RLF: variants seen among roughly 807,000 people sequenced by gnomAD.
RLF encodes zinc finger protein Rlf.
Under a neutral mutation model 162.9 loss-of-function variants are expected in RLF, and 7 were observed. The observed-to-expected ratio is 0.04, with a 90% CI of 0.02 to 0.08. RLF has a LOEUF of 0.08. Among genes scored for constraint, RLF ranks in the 10% least tolerant of loss-of-function variants. The pLI is 1.00. For missense variants in RLF, 1,664 were observed against 2,244.7 expected (o/e 0.74, Z 5.23); for synonymous variants, 782 against 791.5 (o/e 0.99, Z 0.20).
intron 6 of RLF, among the ~76,000 whole-genome samples, chr1:40,228,827 C>T (rs1345519603): frequency 1.3e-5 from 2 of 152,110 alleles, no homozygotes; most frequent in South Asian, 2.1e-4. Flanking sequence ...AGATATTACT[C>T]TGTCACCCAG....
chr1:40,184,398 T>G (rs565622742), intron 1 of RLF, among the ~76,000 whole-genome samples: 1 of 152,270 alleles, frequency 6.6e-6, no homozygotes, highest in East Asian at 1.9e-4. Flanking sequence ...AGATAAAGCA[T>G]AGGGACAGGA....
intron 3 of RLF, among the ~76,000 whole-genome samples, chr1:40,193,629 G>A (rs1642590053): frequency 1.3e-5 from 2 of 152,290 alleles, no homozygotes; most frequent in Admixed American, 1.3e-4. Context: ...GACAAGTCAA[G>A]CTGTTAAAGC....
In RLF at chr1:40,237,992, A is replaced by G. The variant is rs1275702475; in HGVS notation, c.3290A>G (p.Gln1097Arg). 6.2e-7 allele frequency: 1 copy of G among 1,614,028 alleles called. No homozygotes were observed. Among genetic ancestry groups the G allele is most frequent in the Non-Finnish European group, 8.5e-7 (1 of 1,180,014 alleles). ...CCATCCAGTGGTGCTAAGTCTCTTC[A>G]GTCAGTTTCATCTATCTCAGACCTT... Reference protein sequence around the residue: ...GYPSSGAKSLQSVSSISDLNF... With the variant: ...GYPSSGAKSLRSVSSISDLNF... The change falls in exon 8 of 8, where the codon CAG becomes CGG. Residue 1097 changes from glutamine (Q) to arginine (R), a missense_variant. By Grantham distance (43) the Gln-to-Arg change is conservative. Transcript: ENST00000372771. The surrounding 1 kb of genome is among the most constrained non-coding windows in gnomAD (Gnocchi z 4.4).
At chr1:40,197,239 G>A (rs1229418351) in intron 4 of RLF, among the ~76,000 whole-genome samples, 2 of 152,130 alleles carry the variant, frequency 1.3e-5, no homozygotes, top group African/African-American at 4.8e-5. Context: ...GAAAAAAAAA[G>A]AATAAGGAAA....
Position 40,239,310 on chromosome 1 carries a change from C to G in RLF, c.4608C>G (p.Ala1536=). Residue 1536 remains alanine, a synonymous_variant, in exon 8 of 8, where the codon GCC becomes GCG. Transcript: ENST00000372771. ...TAAGTTTTAAAACCAGAGCTGAGGCCCTCCATATGTGTGTGGAGCACTCTG... is the reference window on the plus strand; with the variant it reads ...TAAGTTTTAAAACCAGAGCTGAGGCGCTCCATATGTGTGTGGAGCACTCTG... ...APISFKTRAE[A]LHMCVEHSEH... 1 of 1,614,002 alleles carries G rather than the reference C, an allele frequency of 6.2e-7. No homozygotes were observed. Among genetic ancestry groups the G allele is most frequent in the East Asian group, 2.2e-5 (1 of 44,886 alleles).
intron 5 of RLF, among the ~76,000 whole-genome samples, chr1:40,216,487 TAA>T (rs59858431): frequency 1.2e-4 from 15 of 128,884 alleles, no homozygotes; most frequent in Non-Finnish European, 1.3e-4. Context: ...AAACTCTGTC[TAA>T]AAAAAAAAAA....
chr1:40,231,523 G>A lies in RLF; in HGVS notation c.954G>A (p.Leu318=). 6.2e-7 allele frequency: 1 copy of A among 1,612,612 alleles called. No homozygotes were observed. Among genetic ancestry groups the A allele is most frequent in the Non-Finnish European group, 8.5e-7 (1 of 1,179,488 alleles). The change falls in exon 7 of 8, where the codon CTG becomes CTA. Residue 318 remains leucine (L), a synonymous_variant. Coordinates refer to ENST00000372771, the MANE Select transcript of RLF (RefSeq NM_012421.4). ...TGATCTTCTTTTTTTATAGGGAACT[G>A]ACTCTTTTTTGGAGTAAACTGCAAA... ...QTASVYCSWE[L]TLFWSKLQRR...
intron 1 of RLF, among the ~76,000 whole-genome samples, chr1:40,165,838 G>A (rs1024124714): frequency 5.9e-5 from 9 of 151,910 alleles, no homozygotes; most frequent in African/African-American, 9.7e-5. Context: ...GGTATACAAA[G>A]CCTTTTAGAA....
intron 4 of RLF, among the ~76,000 whole-genome samples, chr1:40,198,301 C>CTT (rs34816285): frequency 1.5e-4 from 19 of 123,794 alleles, no homozygotes; most frequent in African/African-American, 3.1e-4. Context: ...CGCCCGGCCT[C>CTT]TTTTTTTTTT....
In RLF at chr1:40,238,944, C is replaced by T. The variant is rs149675325; in HGVS notation, c.4242C>T (p.Cys1414=). 1.4e-4 allele frequency: 233 copies of T among 1,614,170 alleles called. 1 individual carries two copies. In the African/African-American group the frequency reaches 2.6e-3, roughly 18 times the overall value. The change falls in exon 8 of 8, where the codon TGC becomes TGT. Residue 1414 remains cysteine (C), a synonymous_variant. Transcript: ENST00000372771. The surrounding 1 kb of genome is among the most constrained non-coding windows in gnomAD (Gnocchi z 5.2). ...AARFSCNQPQ[C]PAVFYTFNKL... ...GGTTTTCTTGTAACCAGCCTCAGTG[C>T]CCTGCTGTTTTTTATACATTCAACA...
intron 3 of RLF, among the ~76,000 whole-genome samples, chr1:40,194,513 G>A (rs867829411): frequency 1.7e-4 from 25 of 151,398 alleles, no homozygotes; most frequent in Middle Eastern, 3.4e-3. Context: ...GGTGGCAGGC[G>A]CCTGTAATCC....
At position 40,164,173 on chromosome 1, in the gene RLF, C is replaced by T. The variant is rs192430702; in HGVS notation, c.237+2537C>T. 2.0e-5 allele frequency among the ~76,000 whole-genome samples: 3 copies of T among 152,274 alleles called. No individual in the cohort carries two copies. The East Asian group carries it at 5.8e-4, about 29-fold the overall frequency. ...GCATTTTTACATTATAAAGGTCTGA[C>T]CCCTGCTTATGGGATGCTTAATACT... On this transcript the variant is annotated intron_variant, in intron 1 of 7. Transcript: ENST00000372771.
intron 5 of RLF, among the ~76,000 whole-genome samples, chr1:40,222,148 G>A (rs1298387546): frequency 6.6e-6 from 1 of 151,962 alleles, no homozygotes; most frequent in African/African-American, 2.4e-5. Context: ...GCCTCCTTTA[G>A]CCCCACTGAT....
chr1:40,166,035 A>G (rs1390543578), intron 1 of RLF, among the ~76,000 whole-genome samples: 1 of 152,206 alleles, frequency 6.6e-6, no homozygotes, highest in Non-Finnish European at 1.5e-5. Flanking sequence ...TTCAGCAGGC[A>G]GAATTAGGTG....
In RLF at chr1:40,239,921, A is replaced by G. The variant is rs1021870583; in HGVS notation, c.5219A>G (p.Lys1740Arg). The G allele has an allele frequency of 1.2e-6, 2 of 1,613,550 alleles. No individual in the cohort carries two copies. Among genetic ancestry groups the G allele is most frequent in the African/African-American group, 2.7e-5 (2 of 74,934 alleles). Reference sequence around the variant, plus strand: ...AGTTCAGGGCAAGAAAACACTGTAAAAAATCCAACCCATGTCCCAAAAGAG... The same window carrying G: ...AGTTCAGGGCAAGAAAACACTGTAAGAAATCCAACCCATGTCCCAAAAGAG... Reference protein sequence around the residue: ...QHSSGQENTVKNPTHVPKENF... With the variant: ...QHSSGQENTVRNPTHVPKENF... The change falls in exon 8 of 8, where the codon AAA becomes AGA. Residue 1740 changes from lysine to arginine, a missense_variant. By Grantham distance (26) the Lys-to-Arg change is conservative. Coordinates refer to ENST00000372771, the MANE Select transcript of RLF (RefSeq NM_012421.4).
chr1:40,222,858 A>T, intron 6 of RLF, 148 bp downstream of exon 6: 1 of 651,402 alleles, frequency 1.5e-6, no homozygotes. Flanking sequence ...TTAATTAAAA[A>T]TATCATTGGT....
intron 6 of RLF, among the ~76,000 whole-genome samples, chr1:40,224,829 A>G (rs1333328888): frequency 2.0e-5 from 3 of 151,262 alleles, no homozygotes; most frequent in Non-Finnish European, 4.4e-5. Flanking sequence ...TCTACTAAAA[A>G]TACAAAAATT....
At chr1:40,232,023 C>G (rs1345343524) in intron 7 of RLF, among the ~76,000 whole-genome samples, 1 of 152,016 alleles carries the variant, frequency 6.6e-6, no homozygotes, top group African/African-American at 2.4e-5. Context: ...GCCTGGCCAA[C>G]CTGGTGAAAC....
intron 5 of RLF, among the ~76,000 whole-genome samples, chr1:40,214,303 GA>G (rs1297479459): frequency 6.6e-6 from 1 of 152,170 alleles, no homozygotes; most frequent in East Asian, 1.9e-4. Flanking sequence ...ATCACCATTT[GA>G]AACCAGAGAG....
Sources: gnomAD v4.1 joint callset for allele counts (sites outside exome capture counted in the v4.1 genomes callset) on GRCh38, gnomAD v4.1.1 for gene constraint, Gnocchi (gnomAD v3.1) non-coding constraint, MANE v1.5 for transcripts, NCBI Gene and HGNC (gene_info 2026-07-23, HGNC 2026-07-21) for gene names.